NPIPA1: variants seen among roughly 807,000 people sequenced by gnomAD.
NPIPA1 encodes nuclear pore complex-interacting protein family member A1.
For synonymous variants in NPIPA1, 7 were observed against 88.0 expected, an observed-to-expected ratio of 0.08 and a Z score of 5.15; for missense variants, 22 against 232.2, an observed-to-expected ratio of 0.09 and a Z score of 5.88.
rs1372917381 is a variant in NPIPA1 at position 14,947,518 on chromosome 16, T to A, written c.438-1412T>A. Among the ~76,000 whole-genome samples the A allele has an allele frequency of 3.3e-5, 5 of 151,362 alleles. No homozygotes were observed. The East Asian group carries it at 9.9e-4, about 30-fold the overall frequency. On this transcript the variant is annotated intron_variant, in intron 4 of 7. Coordinates refer to ENST00000328085, the MANE Select transcript of NPIPA1 (RefSeq NM_006985.4). Reference sequence around the variant, plus strand: ...TGTTTTCCATCTAACCCCACGCATGTGTGCAAAAGCTGCTGTGCTTCTTTG... The same window carrying A: ...TGTTTTCCATCTAACCCCACGCATGAGTGCAAAAGCTGCTGTGCTTCTTTG...
chr16:14,938,616 C>T (rs1236038721), intron 1 of NPIPA1, among the ~76,000 whole-genome samples: 3 of 130,482 alleles, frequency 2.3e-5, no homozygotes, highest in Non-Finnish European at 3.1e-5. Context: ...GTGGGAGGAT[C>T]GCTTGGGCCC....
At chr16:14,941,068 C>T (rs1181426336) in intron 1 of NPIPA1, among the ~76,000 whole-genome samples, 2 of 150,218 alleles carry the variant, frequency 1.3e-5, no homozygotes, top group African/African-American at 4.9e-5. Flanking sequence ...GCAGAGGTTG[C>T]AGTGAGCCGA....
chr16:14,951,804 G>A lies in NPIPA1; in HGVS notation c.832G>A (p.Ala278Thr). Residue 278 changes from alanine (A) to threonine (T), a missense_variant, in exon 8 of 8, where the codon GCT (alanine) becomes ACT (threonine). Physicochemically the swap from Ala to Thr is moderately conservative, Grantham distance 58. Transcript: ENST00000328085. ...TCTGCTCACTCCCCTTCCACCCTCA[G>A]CTCTACCCTCAGCGGATGATAATCT... ...ECLLTPLPPS[A>T]LPSADDNLKT... is the part of the protein sequence containing the mutation. 1 of 1,573,602 alleles carries A rather than the reference G, an allele frequency of 6.4e-7. No individual in the cohort carries two copies. The highest frequency in any genetic ancestry group is 8.6e-7 in the Non-Finnish European group (1 of 1,168,050).
intron 2 of NPIPA1, among the ~76,000 whole-genome samples, chr16:14,943,174 C>G (rs1362275844): frequency 1.3e-5 from 2 of 152,110 alleles, no homozygotes; most frequent in Non-Finnish European, 2.9e-5. Context: ...TTTCTCACCC[C>G]CAAAAGGAGT....
intron 2 of NPIPA1, among the ~76,000 whole-genome samples, chr16:14,945,336 A>AC (rs1965861501): frequency 7.1e-6 from 1 of 140,366 alleles, no homozygotes; most frequent in Non-Finnish European, 1.5e-5. Context: ...TGCAACCTCC[A>AC]CCTCCCAGCT....
intron 1 of NPIPA1, among the ~76,000 whole-genome samples, chr16:14,938,830 C>T (rs1427142772): frequency 1.6e-4 from 24 of 151,816 alleles, no homozygotes; most frequent in Admixed American, 9.8e-4. Context: ...CCTCCGCTTC[C>T]GGGGTTCAAG....
rs1349396254 is a variant in NPIPA1, at chr16:14,945,267, T to TGTGTGA, written c.193-306_193-305insTGTGAG. ...GTGTGTGTGTGTGTGTGTGTGTGTG[T>TGTGTGA]GAGACAGAGTCTCATTCTGTCACTC... On this transcript the variant is annotated intron_variant, in intron 2 of 7. Coordinates refer to ENST00000328085, the MANE Select transcript of NPIPA1 (RefSeq NM_006985.4). 1.6e-3 allele frequency among the ~76,000 whole-genome samples: 205 copies of TGTGTGA among 132,114 alleles called. 10 individuals are homozygous for TGTGTGA. The highest frequency in any genetic ancestry group is 5.8e-3 in the African/African-American group (204 of 35,120). The allele number at this position is 132,114 out of a possible 152,430, so 86.7% of individuals were successfully genotyped here.
At chr16:14,947,786 C>T (rs1296134833) in intron 4 of NPIPA1, among the ~76,000 whole-genome samples, 2 of 152,236 alleles carry the variant, frequency 1.3e-5, no homozygotes, top group Non-Finnish European at 2.9e-5. Flanking sequence ...AGAATGCTTC[C>T]TTAGCCTCCC....
chr16:14,943,142 A>G (rs1412521188), intron 2 of NPIPA1, among the ~76,000 whole-genome samples: 1 of 148,972 alleles, frequency 6.7e-6, no homozygotes, highest in African/African-American at 2.5e-5. Flanking sequence ...AATTGGAGGA[A>G]GCTTTTTTTT....
At chr16:14,941,427 G>A (rs1297350368) in intron 1 of NPIPA1, 76 of 248,528 alleles carry the variant, frequency 3.1e-4, no homozygotes, top group Middle Eastern at 3.0e-3. Flanking sequence ...TGAGTGGAGC[G>A]GAACTCTGTC....
rs748459839 is a variant in NPIPA1 at position 14,945,227 on chromosome 16, G to GTTT, written c.193-347_193-346insTTT. On this transcript the variant is annotated intron_variant, in intron 2 of 7. Transcript: ENST00000328085. ...TGCCAGCCTCATGTCATTCTTGTGT[G>GTTT]GTGTGTGTGTGTGTGTGTGTGTGTG... Among the ~76,000 whole-genome samples, 39 of 137,816 alleles carry GTTT rather than the reference G, an allele frequency of 2.8e-4. 1 individual carries two copies. The East Asian group carries it at 4.0e-3, about 14-fold the overall frequency. The allele number at this position is 137,816 out of a possible 152,430, so 90.4% of individuals were successfully genotyped here.
At chr16:14,944,268 A>G in intron 2 of NPIPA1, among the ~76,000 whole-genome samples, 1 of 152,250 alleles carries the variant, frequency 6.6e-6, no homozygotes, top group African/African-American at 2.4e-5. Context: ...TCGAAGATTA[A>G]AAGCATACTG....
intron 1 of NPIPA1, among the ~76,000 whole-genome samples, chr16:14,937,851 A>T: frequency 7.0e-6 from 1 of 142,460 alleles, no homozygotes; most frequent in Admixed American, 7.8e-5. Flanking sequence ...GTTTGGTGGA[A>T]AGCAGAACCT....
intron 2 of NPIPA1, among the ~76,000 whole-genome samples, chr16:14,942,936 T>C (rs1191708668): frequency 1.3e-5 from 2 of 152,286 alleles, no homozygotes; most frequent in African/African-American, 2.4e-5. Flanking sequence ...AAGATAAAAG[T>C]ACTAATACCA....
chr16:14,942,797 A>T (rs1965782363), intron 2 of NPIPA1, among the ~76,000 whole-genome samples: 1 of 152,274 alleles, frequency 6.6e-6, no homozygotes, highest in African/African-American at 2.4e-5. Flanking sequence ...TTGGCTGCTA[A>T]GTTGTGGCAT....
intron 4 of NPIPA1, among the ~76,000 whole-genome samples, chr16:14,947,848 G>A (rs1965929566): frequency 6.6e-6 from 1 of 152,062 alleles, no homozygotes; most frequent in Non-Finnish European, 1.5e-5. Flanking sequence ...CAGGAGTAGT[G>A]ATGTCCTCAC....
At chr16:14,948,334 G>A (rs1245252472) in intron 4 of NPIPA1, among the ~76,000 whole-genome samples, 1 of 152,244 alleles carries the variant, frequency 6.6e-6, no homozygotes, top group African/African-American at 2.4e-5. Flanking sequence ...CATTCAGATT[G>A]CCTTTTCAGG....
At chr16:14,943,642 T>C (rs1279520060) in intron 2 of NPIPA1, among the ~76,000 whole-genome samples, 12 of 144,986 alleles carry the variant, frequency 8.3e-5, no homozygotes, top group African/African-American at 2.8e-4. Context: ...TTTCTTTGCT[T>C]CTCATTTCTT....
intron 2 of NPIPA1, among the ~76,000 whole-genome samples, chr16:14,944,801 T>A (rs1965840974): frequency 6.6e-6 from 1 of 150,422 alleles, no homozygotes; most frequent in African/African-American, 2.4e-5. Context: ...AGACGGGGTT[T>A]CACCATGTTG....
Sources: gnomAD v4.1 joint callset for allele counts (sites outside exome capture counted in the v4.1 genomes callset) on GRCh38, gnomAD v4.1.1 for gene constraint, MANE v1.5 for transcripts, NCBI Gene and HGNC (gene_info 2026-07-23, HGNC 2026-07-21) for gene names.